The following PHF21B variants were observed in gnomAD, a reference collection of about 807,000 sequenced individuals.
The protein encoded by PHF21B is PHD finger protein 21B.
Under a neutral mutation model 62.2 loss-of-function variants are expected in PHF21B, and 22 were observed. The observed-to-expected ratio is 0.35, with a 90% CI of 0.25 to 0.51. The LOEUF is 0.51. Among genes scored for constraint, PHF21B ranks in the 20% least tolerant of loss-of-function variants. The pLI is 0.97. For missense variants in PHF21B, 701 were observed against 707.9 expected (o/e 0.99, Z 0.11); for synonymous variants, 341 against 314.7 (o/e 1.08, Z -0.88).
At chr22:44,982,364 A>T (rs1289282069) in intron 2 of PHF21B, among the ~76,000 whole-genome samples, 4 of 152,224 alleles carry the variant, frequency 2.6e-5, no homozygotes. Context: ...TGGGGCAGGC[A>T]CACCCTTGCC....
chr22:44,888,909 G>A (rs2070909981), intron 9 of PHF21B, among the ~76,000 whole-genome samples: 1 of 152,210 alleles, frequency 6.6e-6, no homozygotes, highest in Non-Finnish European at 1.5e-5. Flanking sequence ...TCAAAGCCGA[G>A]GCCCTCTCCA....
At chr22:44,916,225 C>T (rs147028293) in intron 4 of PHF21B, 55 bp downstream of exon 4, 206 of 1,521,130 alleles carry the variant, frequency 1.4e-4, no homozygotes, top group Non-Finnish European at 1.5e-4. Flanking sequence ...TGATTGCTCT[C>T]GGCCTCCTGT....
chr22:44,964,611 G>A (rs996557588), intron 2 of PHF21B, among the ~76,000 whole-genome samples: 7 of 152,258 alleles, frequency 4.6e-5, no homozygotes, highest in Non-Finnish European at 1.0e-4. Flanking sequence ...AAAGGGAGAT[G>A]ACTCCCAGGG....
At chr22:44,956,773 C>T (rs2072306296) in intron 2 of PHF21B, among the ~76,000 whole-genome samples, 1 of 152,192 alleles carries the variant, frequency 6.6e-6, no homozygotes, top group South Asian at 2.1e-4. Context: ...CTGGAATCCA[C>T]TTTGGAAACA....
At chr22:44,890,415 A>C (rs1372872935) in intron 8 of PHF21B, among the ~76,000 whole-genome samples, 1 of 152,214 alleles carries the variant, frequency 6.6e-6, no homozygotes, top group Non-Finnish European at 1.5e-5. Flanking sequence ...AAATAATGCC[A>C]CCCAGCGGGA....
chr22:44,956,071 C>A lies in PHF21B; in HGVS notation c.121-35581G>T, dbSNP rs181179816. Among the ~76,000 whole-genome samples the A allele has an allele frequency of 6.7e-4, 102 of 152,346 alleles. 2 individuals are homozygous for A. Among genetic ancestry groups the A allele is most frequent in the Non-Finnish European group, 1.3e-4 (9 of 68,032 alleles). Reference sequence around the variant, plus strand: ...CCACCCCACAACGTCCAGCCATCAGCCCGCGAGGAAGGGGACTGAGCCCTC... The same window carrying A: ...CCACCCCACAACGTCCAGCCATCAGACCGCGAGGAAGGGGACTGAGCCCTC... On this transcript the variant is annotated intron_variant, in intron 2 of 12. Transcript: ENST00000313237.
chr22:44,938,394 T>C (rs1601620280), intron 2 of PHF21B, among the ~76,000 whole-genome samples: 2 of 152,200 alleles, frequency 1.3e-5, no homozygotes, highest in African/African-American at 4.8e-5. Context: ...CCATCATGCA[T>C]GGTTGATTTT....
chr22:45,008,703 C>A, intron 1 of PHF21B, 93 bp from the exon 2 acceptor site: 1 of 1,204,862 alleles, frequency 8.3e-7, no homozygotes, highest in Non-Finnish European at 1.0e-6. Context: ...CCCGGAGCCC[C>A]ACGGGCGGGG....
chr22:44,926,363 A>G lies in PHF21B; in HGVS notation c.121-5873T>C, dbSNP rs74592493. Among the ~76,000 whole-genome samples, 486 of 152,336 alleles carry G rather than the reference A, an allele frequency of 3.2e-3. 4 individuals carry two copies. Among genetic ancestry groups the G allele is most frequent in the African/African-American group, 0.011 (459 of 41,588 alleles). On this transcript the variant is annotated intron_variant, in intron 2 of 12. Transcript: ENST00000313237. ...GGCCCCGGGGAGGAGAAATTTCCACATGGATGGGGCTGGCCAGCATATCCA... is the reference window on the plus strand; with the variant it reads ...GGCCCCGGGGAGGAGAAATTTCCACGTGGATGGGGCTGGCCAGCATATCCA...
At chr22:44,966,481 A>G (rs1825311771) in intron 2 of PHF21B, among the ~76,000 whole-genome samples, 1 of 152,192 alleles carries the variant, frequency 6.6e-6, no homozygotes, top group Admixed American at 6.5e-5. Flanking sequence ...CCCTGTGAAA[A>G]GACAGGCCCC....
At chr22:44,893,931 A>C (rs2071012368) in intron 6 of PHF21B, among the ~76,000 whole-genome samples, 1 of 152,256 alleles carries the variant, frequency 6.6e-6, no homozygotes, top group South Asian at 2.1e-4. Context: ...AGCTCCCGGA[A>C]GCCCAGGAGC....
intron 2 of PHF21B, among the ~76,000 whole-genome samples, chr22:44,965,329 G>A (rs1000202123): frequency 6.6e-6 from 1 of 151,936 alleles, no homozygotes; most frequent in Non-Finnish European, 1.5e-5. Flanking sequence ...GCCCTCAGAT[G>A]TGGGTCCTTT....
rs371883074 is a variant in PHF21B at position 44,909,677 on chromosome 22, C to A, written c.831+4145G>T. ...TCTGTCTTCACCCCCTACTGCAGTC[C>A]GAAAGCCCAGCTGACTGCTCTGGGT... is the stretch of plus-strand genomic sequence containing the variant. On this transcript the variant is annotated intron_variant, in intron 5 of 12. Transcript: ENST00000313237. Among the ~76,000 whole-genome samples the A allele has an allele frequency of 7.2e-5, 11 of 152,356 alleles. No homozygotes were observed. The East Asian group carries it at 1.9e-3, about 27-fold the overall frequency.
At chr22:44,926,408 C>T (rs1460295971) in intron 2 of PHF21B, among the ~76,000 whole-genome samples, 1 of 152,244 alleles carries the variant, frequency 6.6e-6, no homozygotes, top group Non-Finnish European at 1.5e-5. Flanking sequence ...AGAGAACAGG[C>T]ACGAACCTGT....
At chr22:44,968,007 G>A (rs1351242788) in intron 2 of PHF21B, among the ~76,000 whole-genome samples, 1 of 152,144 alleles carries the variant, frequency 6.6e-6, no homozygotes, top group Admixed American at 6.5e-5. Context: ...TATCAAGAGC[G>A]CATCTTGTCG....
intron 2 of PHF21B, chr22:45,008,154 C>G (rs750122963): frequency 3.0e-4 from 51 of 170,454 alleles, no homozygotes; most frequent in Non-Finnish European, 5.9e-4. Context: ...ACCCAGAAAT[C>G]GCTTCCAACG....
At chr22:44,917,496 G>T (rs930720977) in intron 3 of PHF21B, among the ~76,000 whole-genome samples, 10 of 152,144 alleles carry the variant, frequency 6.6e-5, no homozygotes, top group Non-Finnish European at 1.3e-4. Context: ...CACCAACCCT[G>T]GGAGGTCCAC....
intron 5 of PHF21B, among the ~76,000 whole-genome samples, chr22:44,912,897 A>AAAAAAAAAAC (rs2071368809): frequency 6.9e-6 from 1 of 144,388 alleles, no homozygotes; most frequent in Non-Finnish European, 1.5e-5. Flanking sequence ...AAAAAAAAAA[A>AAAAAAAAAAC]GACAAAAAGA....
intron 2 of PHF21B, among the ~76,000 whole-genome samples, chr22:44,987,280 G>C (rs1429891923): frequency 1.3e-5 from 2 of 152,034 alleles, no homozygotes; most frequent in African/African-American, 4.8e-5. Flanking sequence ...ACATTGGCAA[G>C]ATGAGGGTGG....
Sources: allele counts gnomAD v4.1 joint callset (sites outside exome capture counted in the v4.1 genomes callset), GRCh38; gene constraint gnomAD v4.1.1; transcripts MANE v1.5; gene names NCBI Gene and HGNC (gene_info 2026-07-23, HGNC 2026-07-21).